Variants in PARVA observed in about 807,000 individuals in gnomAD.
The protein encoded by PARVA is parvin alpha, also known as alpha-parvin.
A neutral mutation model predicts 52.6 loss-of-function variants in PARVA; 25 were observed. The ratio of observed to expected loss-of-function variants is 0.48; its 90% CI spans 0.35 to 0.66. The LOEUF (loss-of-function observed/expected upper bound fraction) is 0.66. Among genes scored for constraint, PARVA ranks in the 30% least tolerant of loss-of-function variants. PARVA has a pLI of 0.01. For missense variants in PARVA, 373 were observed against 450.9 expected, an observed-to-expected ratio of 0.83 and a Z score of 1.56; for synonymous variants, 185 against 179.1, an observed-to-expected ratio of 1.03 and a Z score of -0.26.
chr11:12,503,392 G>A (rs958850468), intron 5 of PARVA, among the ~76,000 whole-genome samples: 1 of 152,182 alleles, frequency 6.6e-6, no homozygotes, highest in Non-Finnish European at 1.5e-5. Context: ...AGGGAGTGCA[G>A]AGCAGACATG....
At chr11:12,520,581 C>T (rs1191177621) in intron 12 of PARVA, among the ~76,000 whole-genome samples, 2 of 152,160 alleles carry the variant, frequency 1.3e-5, no homozygotes, top group African/African-American at 4.8e-5. Context: ...TGACTTGCTG[C>T]CCAGGCTTCA....
intron 1 of PARVA, among the ~76,000 whole-genome samples, chr11:12,433,104 G>A (rs1340145783): frequency 6.6e-6 from 1 of 152,194 alleles, no homozygotes; most frequent in African/African-American, 2.4e-5. Context: ...CGAACCTCTA[G>A]GTCAAATGCT....
intron 11 of PARVA, 39 bp downstream of exon 11, chr11:12,517,750 C>T (rs755084380): frequency 2.2e-6 from 3 of 1,386,436 alleles, no homozygotes; most frequent in African/African-American, 1.4e-5. Flanking sequence ...CCCTAGCCCA[C>T]ATCCCCTGAC....
intron 3 of PARVA, chr11:12,477,270 G>A (rs1431994029): frequency 6.6e-6 from 1 of 152,424 alleles, no homozygotes; most frequent in African/African-American, 2.4e-5. Context: ...AATCTTTGTA[G>A]TTTTAGTAGA....
At chr11:12,473,410 G>T (rs1940959801) in intron 1 of PARVA, among the ~76,000 whole-genome samples, 1 of 152,164 alleles carries the variant, frequency 6.6e-6, no homozygotes, top group African/African-American at 2.4e-5. Flanking sequence ...GATGGGACAG[G>T]CAGGAGGTAG....
Position 12,484,507 on chromosome 11 carries a change from GTGT to G in PARVA, c.400+6559_400+6561del, listed in dbSNP as rs1564859265. 1.4e-3 allele frequency among the ~76,000 whole-genome samples: 6 copies of G among 4,366 alleles called. No homozygotes were observed. In the Non-Finnish European group the frequency reaches 0.016, roughly 12 times the overall value. The allele number at this position is 4,366 out of a possible 152,430, so 2.9% of individuals were successfully genotyped here. A position where few individuals can be genotyped will look rare whatever the true frequency, so the allele number is the denominator to read the frequency against. On this transcript the variant is annotated intron_variant, in intron 4 of 12. Coordinates refer to ENST00000334956, the MANE Select transcript of PARVA (RefSeq NM_018222.5). ...TGCAGGAGGGTGGTTTTGTTTTGGTGTGTGTGTGTGTGTGTGTGTGTGTGTGTG... is the reference window on the plus strand; with the variant it reads ...TGCAGGAGGGTGGTTTTGTTTTGGTGGTGTGTGTGTGTGTGTGTGTGTGTG...
At chr11:12,508,099 TAAAAAAAAA>T (rs35314523) in intron 6 of PARVA, among the ~76,000 whole-genome samples, 58 of 91,794 alleles carry the variant, frequency 6.3e-4, no homozygotes, top group Admixed American at 1.2e-3. Flanking sequence ...ATTTATCAGT[TAAAAAAAAA>T]AAAAAAAAAA....
chr11:12,496,267 T>C (rs1009364837), intron 4 of PARVA, among the ~76,000 whole-genome samples, 191 bp from the exon 5 acceptor site: 17 of 150,398 alleles, frequency 1.1e-4, no homozygotes, highest in Admixed American at 2.0e-4. Context: ...ACAGTACTGA[T>C]GCTGCTGGTG....
At chr11:12,474,496 C>T (rs1488415438) in intron 3 of PARVA, among the ~76,000 whole-genome samples, 1 of 152,146 alleles carries the variant, frequency 6.6e-6, no homozygotes, top group Non-Finnish European at 1.5e-5. Context: ...CATTTCTCCC[C>T]TGCGTCTTAT....
At chr11:12,417,173 C>T (rs1940078272) in intron 1 of PARVA, among the ~76,000 whole-genome samples, 1 of 152,076 alleles carries the variant, frequency 6.6e-6, no homozygotes, top group Admixed American at 6.5e-5. Flanking sequence ...GCAATTCCAC[C>T]TTTAGGAATT....
At chr11:12,379,240 C>A (rs1939449496) in intron 1 of PARVA, among the ~76,000 whole-genome samples, 1 of 151,702 alleles carries the variant, frequency 6.6e-6, no homozygotes, top group South Asian at 2.1e-4. Flanking sequence ...TCTTTATGAC[C>A]TGTATCTTGT....
intron 1 of PARVA, among the ~76,000 whole-genome samples, chr11:12,468,276 C>A (rs1239000571): frequency 6.6e-6 from 1 of 152,176 alleles, no homozygotes; most frequent in Non-Finnish European, 1.5e-5. Context: ...ACCTGTATCA[C>A]CAGTGCTGGC....
At position 12,531,203 on chromosome 11, in the gene PARVA, A is replaced by G. The variant is rs1941768247; in HGVS notation, c.*3278A>G. ...GCTCCAGTTTCACATGTGCAGGCAC[A>G]GAGATGACATTTCCCGATCTGGGAG... On this transcript the variant is annotated 3_prime_UTR_variant, in exon 13 of 13. Coordinates refer to ENST00000334956, the MANE Select transcript of PARVA (RefSeq NM_018222.5). 6.6e-6 allele frequency among the ~76,000 whole-genome samples: 1 copy of G among 152,258 alleles called. No individual in the cohort carries two copies. Among genetic ancestry groups the G allele is most frequent in the Non-Finnish European group, 1.5e-5 (1 of 68,040 alleles).
chr11:12,519,447 C>G (rs1400405005), intron 12 of PARVA, among the ~76,000 whole-genome samples: 1 of 152,074 alleles, frequency 6.6e-6, no homozygotes, highest in Non-Finnish European at 1.5e-5. Flanking sequence ...GTGTAGCCAA[C>G]CAGGGAAGAG....
intron 1 of PARVA, among the ~76,000 whole-genome samples, chr11:12,394,352 C>T (rs1285564185): frequency 6.6e-6 from 1 of 152,122 alleles, no homozygotes; most frequent in Non-Finnish European, 1.5e-5. Flanking sequence ...AAATCAACTT[C>T]TACAAGTCAC....
At chr11:12,522,421 CTTTT>C (rs66494894) in intron 12 of PARVA, among the ~76,000 whole-genome samples, 37,006 of 134,540 alleles carry the variant, frequency 0.28, 4,943 homozygotes, top group Middle Eastern at 0.36. Context: ...GAGCTTTATT[CTTTT>C]TTTTTTTTTT....
At chr11:12,420,138 C>T (rs1940127550) in intron 1 of PARVA, among the ~76,000 whole-genome samples, 1 of 152,062 alleles carries the variant, frequency 6.6e-6, no homozygotes, top group African/African-American at 2.4e-5. Context: ...TGGCTCTAGA[C>T]AGGAATGAAG....
intron 5 of PARVA, 145 bp from the exon 6 acceptor site, chr11:12,504,169 C>T (rs1017523471): frequency 2.1e-5 from 13 of 622,908 alleles, no homozygotes; most frequent in Middle Eastern, 3.1e-4. Flanking sequence ...CCTCCAACAC[C>T]GGGGATTACA....
chr11:12,473,732 C>T lies in PARVA; in HGVS notation c.137-13C>T, dbSNP rs2135036002. ...TCAGCTGAAATGTGACCCTGCTCTTCCTTTTCTTCCAGTGTCCGAGCTGCA... is the reference window on the plus strand; with the variant it reads ...TCAGCTGAAATGTGACCCTGCTCTTTCTTTTCTTCCAGTGTCCGAGCTGCA... On this transcript the variant is annotated splice_polypyrimidine_tract_variant and intron_variant, in intron 1 of 12. Coordinates refer to ENST00000334956, the MANE Select transcript of PARVA (RefSeq NM_018222.5). 1 of 1,551,596 alleles carries T rather than the reference C, an allele frequency of 6.4e-7. No homozygotes were observed. The highest frequency in any genetic ancestry group is 8.7e-7 in the Non-Finnish European group (1 of 1,145,442).
Sources: allele counts gnomAD v4.1 joint callset (sites outside exome capture counted in the v4.1 genomes callset), GRCh38; gene constraint gnomAD v4.1.1; transcripts MANE v1.5; gene names NCBI Gene and HGNC (gene_info 2026-07-23, HGNC 2026-07-21).